SYNPO2: variants seen among roughly 807,000 people sequenced by gnomAD.
The protein encoded by SYNPO2 is synaptopodin 2.
In SYNPO2, 56 loss-of-function variants were observed where a neutral mutation model predicts 85.0. That is an observed-to-expected ratio of 0.66 (90% CI 0.53 to 0.82). The LOEUF (loss-of-function observed/expected upper bound fraction) is 0.82. Among genes scored for constraint, SYNPO2 ranks in the 40% least tolerant of loss-of-function variants. The pLI, the probability that SYNPO2 is intolerant of heterozygous loss-of-function variation, is 0.00. For missense variants in SYNPO2, 1,575 were observed against 1,534.2 expected (o/e 1.03, Z -0.44); for synonymous variants, 602 against 591.1 (o/e 1.02, Z -0.27).
At chr4:119,044,117 C>A (rs1172574225) in intron 4 of SYNPO2, among the ~76,000 whole-genome samples, 1 of 152,080 alleles carries the variant, frequency 6.6e-6, no homozygotes, top group East Asian at 1.9e-4. Context: ...ACAACTATAT[C>A]TGGAATTAGT....
In SYNPO2 at chr4:118,930,874, T is replaced by C. The variant is rs567722219; in HGVS notation, c.105+41733T>C. Among the ~76,000 whole-genome samples the C allele has an allele frequency of 6.1e-5, 9 of 148,220 alleles. No individual in the cohort carries two copies. The South Asian group carries it at 1.9e-3, about 31-fold the overall frequency. ...TTGAGGCTGCAGTGAGCCATGTTAG[T>C]GGCACTGCACTCCAGCCTGGGCATC... On this transcript the variant is annotated intron_variant, in intron 1 of 4. Coordinates refer to ENST00000307142, the MANE Select transcript of SYNPO2 (RefSeq NM_133477.3).
chr4:118,880,498 C>G (rs1461796342), intron 1 of SYNPO2, among the ~76,000 whole-genome samples: 11 of 152,118 alleles, frequency 7.2e-5, no homozygotes, highest in Admixed American at 2.6e-4. Context: ...GCCTGTAATC[C>G]CAGCACTTTG....
chr4:118,889,015 G>A lies in SYNPO2; in HGVS notation c.-22G>A, dbSNP rs1732277062. On this transcript the variant is annotated 5_prime_UTR_variant, in exon 1 of 5. The change abolishes an upstream ATG in the 5' untranslated region. Coordinates refer to ENST00000307142, the MANE Select transcript of SYNPO2 (RefSeq NM_133477.3). ...TCGTCTGTCTCGTCAAGCTCTTCAT[G>A]CTGCCCAACTAAAAGGAAAACATGG... 3 of 1,611,690 alleles carry A rather than the reference G, an allele frequency of 1.9e-6. No individual in the cohort carries two copies. The African/African-American group carries it at 4.0e-5, about 22-fold the overall frequency.
chr4:119,004,240 G>T (rs1736929798), intron 1 of SYNPO2, among the ~76,000 whole-genome samples: 2 of 151,988 alleles, frequency 1.3e-5, no homozygotes, highest in Admixed American at 1.3e-4. Context: ...TTAAAAAAAA[G>T]TATACTTTAA....
Position 119,057,777 on chromosome 4 carries a change from C to T in SYNPO2, c.3629C>T (p.Thr1210Ile), listed in dbSNP as rs774877363. 5 of 1,613,960 alleles carry T rather than the reference C, an allele frequency of 3.1e-6. No homozygotes were observed. In the African/African-American group the frequency reaches 6.7e-5, roughly 22 times the overall value. ...NVTANNNMST[T>I]SQYGSQLPYA... ...ACAGCCAATAATAATATGTCCACCA[C>T]CTCCCAATATGGTTCACAGTTGCCA... The change falls in exon 5 of 5, where the codon ACC becomes ATC. Residue 1210 changes from threonine (T) to isoleucine (I), a missense_variant. Physicochemically the swap from Thr to Ile is moderately conservative, Grantham distance 89. Coordinates refer to ENST00000307142, the MANE Select transcript of SYNPO2 (RefSeq NM_133477.3).
chr4:119,028,877 T>C (rs1410212749), intron 3 of SYNPO2, among the ~76,000 whole-genome samples: 1 of 151,922 alleles, frequency 6.6e-6, no homozygotes, highest in African/African-American at 2.4e-5. Flanking sequence ...TTATAAATGA[T>C]AGATGCTATA....
chr4:118,964,977 C>T (rs544095240), intron 1 of SYNPO2, among the ~76,000 whole-genome samples: 59 of 152,212 alleles, frequency 3.9e-4, no homozygotes, highest in African/African-American at 1.4e-3. Context: ...CTTTCGAAGC[C>T]CAAAGGCTGC....
rs146176372 is a variant in SYNPO2 at position 118,851,065 on chromosome 4, CT to C, written c.12+129del. The C allele has an allele frequency of 8.8e-3, 3,515 of 397,784 alleles. 91 individuals carry two copies. Among genetic ancestry groups the C allele is most frequent in the African/African-American group, 0.054 (2,625 of 48,690 alleles). 24.6% of individuals were successfully genotyped at this position (397,784 alleles called of 1,614,324 possible). ...CTCAGCTTTTACTCATACCTTTCAT[CT>C]TTTCAAAAGGAGTTTTAAAATCCTA... On this transcript the variant is annotated intron_variant, in intron 1 of 4. Transcript: ENST00000610556.
At chr4:118,881,277 G>C (rs953314517) in intron 1 of SYNPO2, among the ~76,000 whole-genome samples, 5 of 150,498 alleles carry the variant, frequency 3.3e-5, no homozygotes, top group Admixed American at 2.0e-4. Flanking sequence ...ACTCCAGCCT[G>C]GGCGACAGAG....
chr4:118,937,089 A>G (rs778666412), intron 1 of SYNPO2, among the ~76,000 whole-genome samples: 4 of 152,282 alleles, frequency 2.6e-5, no homozygotes, highest in Middle Eastern at 6.8e-3. Context: ...CCAAACAGCA[A>G]CCCAAAGACT....
At chr4:118,956,813 G>C (rs933922092) in intron 1 of SYNPO2, among the ~76,000 whole-genome samples, 2 of 152,126 alleles carry the variant, frequency 1.3e-5, no homozygotes, top group African/African-American at 4.8e-5. Context: ...GGGAGGGCGA[G>C]GTGGGCAGAT....
chr4:118,927,714 A>AGAT (rs939736997), intron 1 of SYNPO2, among the ~76,000 whole-genome samples: 50 of 139,352 alleles, frequency 3.6e-4, no homozygotes, highest in Non-Finnish European at 6.3e-4. Context: ...ATAGATAGAT[A>AGAT]GATAGATAGA....
intron 1 of SYNPO2, among the ~76,000 whole-genome samples, chr4:118,898,048 T>C (rs546561343): frequency 4.6e-5 from 7 of 152,350 alleles, no homozygotes; most frequent in Admixed American, 4.6e-4. Context: ...TTCTGCTTTC[T>C]GAAGGATGAT....
chr4:118,896,467 A>G (rs6831957), intron 1 of SYNPO2, among the ~76,000 whole-genome samples: 98,095 of 152,054 alleles, frequency 0.65, 32,146 homozygotes, highest in African/African-American at 0.75. Flanking sequence ...TCTGAAACAG[A>G]TTCATTAAAG....
At chr4:118,953,442 C>T (rs762721531) in intron 1 of SYNPO2, among the ~76,000 whole-genome samples, 3 of 152,094 alleles carry the variant, frequency 2.0e-5, no homozygotes, top group Non-Finnish European at 4.4e-5. Flanking sequence ...TTGCCCAGTG[C>T]GGGGGATAGG....
At position 119,027,003 on chromosome 4, in the gene SYNPO2, A is replaced by G. The variant is rs1443088649; in HGVS notation, c.634A>G (p.Ser212Gly). Residue 212 changes from serine to glycine, a missense_variant, in exon 3 of 5, where the codon AGT becomes GGT. Around this residue, in one of 3 missense-constraint regions of SYNPO2, gnomAD observed 1,508 missense variants for 1,446.8 expected, o/e 1.04. Transcript: ENST00000307142. ...SLSQERHKGA[S>G]GPLVALPGAE... is the part of the protein sequence containing the mutation. ...TTCACAGGAGAGACATAAGGGCGCT[A>G]GTGGCCCTTTAGTGGCTCTCCCGGG... The G allele has an allele frequency of 1.2e-6, 2 of 1,614,180 alleles. No individual in the cohort carries two copies. Among genetic ancestry groups the G allele is most frequent in the Non-Finnish European group, 1.7e-6 (2 of 1,180,034 alleles).
chr4:118,987,147 T>G (rs1382203934), intron 1 of SYNPO2, among the ~76,000 whole-genome samples: 2 of 152,198 alleles, frequency 1.3e-5, no homozygotes, highest in African/African-American at 4.8e-5. Context: ...AAATGTTAAT[T>G]GACTCCTCAA....
chr4:118,903,210 A>C (rs545994567), intron 1 of SYNPO2, among the ~76,000 whole-genome samples: 1 of 151,992 alleles, frequency 6.6e-6, no homozygotes, highest in Non-Finnish European at 1.5e-5. Context: ...AAGACTGTAC[A>C]TTAAGATGAT....
At chr4:119,019,181 A>G (rs1737627462) in intron 1 of SYNPO2, among the ~76,000 whole-genome samples, 10 of 152,216 alleles carry the variant, frequency 6.6e-5, no homozygotes, top group Admixed American at 5.9e-4. Context: ...TACCTCTGTA[A>G]CAAACCTTCA....
Sources: allele counts gnomAD v4.1 joint callset (sites outside exome capture counted in the v4.1 genomes callset), GRCh38; gene constraint gnomAD v4.1.1; regional missense constraint gnomAD v4.1.1; transcripts MANE v1.5; gene names NCBI Gene and HGNC (gene_info 2026-07-23, HGNC 2026-07-21).